PDE3B: variants seen among roughly 807,000 people sequenced by gnomAD.
PDE3B encodes the protein cGMP-inhibited 3',5'-cyclic phosphodiesterase 3B.
Under a neutral mutation model 116.8 loss-of-function variants are expected in PDE3B, and 66 were observed. That is an observed-to-expected ratio of 0.56 (90% CI 0.46 to 0.69). The LOEUF (loss-of-function observed/expected upper bound fraction) is 0.69. Among genes scored for constraint, PDE3B ranks in the 30% least tolerant of loss-of-function variants. PDE3B has a pLI of 0.00. For missense variants in PDE3B, 1,384 were observed against 1,368.1 expected (o/e 1.01, Z -0.18); for synonymous variants, 595 against 533.6 (o/e 1.12, Z -1.59).
At chr11:14,725,745 C>T (rs919765294) in intron 1 of PDE3B, among the ~76,000 whole-genome samples, 4 of 150,824 alleles carry the variant, frequency 2.7e-5, no homozygotes, top group Non-Finnish European at 5.9e-5. Context: ...TGCACTATTT[C>T]TTTACTCTAA....
In PDE3B at chr11:14,663,649, A is replaced by T. The variant is rs1854016299; in HGVS notation, c.978+18596A>T. 1.3e-5 allele frequency among the ~76,000 whole-genome samples: 2 copies of T among 152,206 alleles called. 1 individual carries two copies. Among genetic ancestry groups the T allele is most frequent in the South Asian group, 4.1e-4 (2 of 4,836 alleles). ...TCTCTGATAAAACAGACTTTAAACC[A>T]ACAAAGATCAAAAGAGACAAAGAAG... is the stretch of plus-strand genomic sequence containing the variant. On this transcript the variant is annotated intron_variant, in intron 1 of 15. Coordinates refer to ENST00000282096, the MANE Select transcript of PDE3B (RefSeq NM_000922.4).
chr11:14,830,903 C>A, intron 8 of PDE3B, 57 bp downstream of exon 8: 1 of 1,153,524 alleles, frequency 8.7e-7, no homozygotes. Flanking sequence ...ACTGTTAGTA[C>A]TGGTTTCATT....
At chr11:14,822,578 C>T (rs1859555506) in intron 7 of PDE3B, among the ~76,000 whole-genome samples, 1 of 152,140 alleles carries the variant, frequency 6.6e-6, no homozygotes, top group South Asian at 2.1e-4. Context: ...TCTTTGCAAC[C>T]CTTGAGTCAG....
At chr11:14,743,966 T>C (rs1457012743) in intron 1 of PDE3B, among the ~76,000 whole-genome samples, 1 of 152,234 alleles carries the variant, frequency 6.6e-6, no homozygotes, top group East Asian at 1.9e-4. Context: ...CCTTCTGCAT[T>C]GATCTCTCTG....
chr11:14,764,729 G>A (rs1403955714), intron 1 of PDE3B, among the ~76,000 whole-genome samples: 1 of 152,000 alleles, frequency 6.6e-6, no homozygotes, highest in African/African-American at 2.4e-5. Context: ...AAAAGGGACA[G>A]TGTATATTAA....
intron 2 of PDE3B, among the ~76,000 whole-genome samples, chr11:14,777,999 C>T (rs966519956): frequency 6.6e-6 from 1 of 152,316 alleles, no homozygotes; most frequent in Admixed American, 6.5e-5. Flanking sequence ...TCTTAGCAAA[C>T]GGCACACCAG....
At chr11:14,814,603 T>C (rs775578119) in intron 5 of PDE3B, among the ~76,000 whole-genome samples, 13 of 152,144 alleles carry the variant, frequency 8.5e-5, no homozygotes, top group African/African-American at 1.2e-4. Flanking sequence ...TAAAAATACT[T>C]ACCATATGGG....
chr11:14,896,605 C>T, the PDE3B span, among the ~76,000 whole-genome samples: 2,089 of 152,306 alleles, frequency 0.014, 27 homozygotes, highest in Non-Finnish European at 0.021. Context: ...TGTGATCAGT[C>T]TTGGAGGTCA....
At chr11:14,852,099 C>T (rs562854445) in intron 12 of PDE3B, among the ~76,000 whole-genome samples, 7 of 152,260 alleles carry the variant, frequency 4.6e-5, no homozygotes, top group African/African-American at 1.4e-4. Flanking sequence ...CTGTGTTGCC[C>T]AGGCTGGAGT....
At position 14,722,118 on chromosome 11, in the gene PDE3B, A is replaced by G. The variant is rs547926176; in HGVS notation, c.979-49819A>G. 2.0e-5 allele frequency among the ~76,000 whole-genome samples: 3 copies of G among 148,494 alleles called. No individual in the cohort carries two copies. In the East Asian group the frequency reaches 6.2e-4, roughly 31 times the overall value. On this transcript the variant is annotated intron_variant, in intron 1 of 15. Coordinates refer to ENST00000282096, the MANE Select transcript of PDE3B (RefSeq NM_000922.4). ...GGTGGGAATTAAACAATGAGAACAC[A>G]TGGACACAGGAAGGGGAACATCACA...
At chr11:14,666,506 A>C (rs1436048807) in intron 1 of PDE3B, among the ~76,000 whole-genome samples, 4 of 149,282 alleles carry the variant, frequency 2.7e-5, no homozygotes, top group Non-Finnish European at 4.5e-5. Flanking sequence ...AACCTACAAA[A>C]TGGGAGAAAA....
At chr11:14,717,341 ACT>A (rs1855934816) in intron 1 of PDE3B, among the ~76,000 whole-genome samples, 2 of 121,872 alleles carry the variant, frequency 1.6e-5, no homozygotes, top group Non-Finnish European at 3.4e-5. Flanking sequence ...GTTGGAAAAC[ACT>A]CTGCAGGATA....
chr11:14,811,707 A>G (rs368482679), intron 5 of PDE3B, among the ~76,000 whole-genome samples: 1 of 151,938 alleles, frequency 6.6e-6, no homozygotes, highest in Non-Finnish European at 1.5e-5. Context: ...TGGGGATGGC[A>G]TTGAATCTGT....
chr11:14,848,140 A>G (rs1209681164), intron 12 of PDE3B, among the ~76,000 whole-genome samples: 2 of 140,046 alleles, frequency 1.4e-5, no homozygotes, highest in African/African-American at 5.4e-5. Flanking sequence ...CTTATCCACC[A>G]TGATCAAGTG....
chr11:14,835,927 T>A (rs916961912), intron 11 of PDE3B, among the ~76,000 whole-genome samples: 1 of 152,258 alleles, frequency 6.6e-6, no homozygotes, highest in Non-Finnish European at 1.5e-5. Context: ...GTCATTGCAC[T>A]GACATATATC....
intron 1 of PDE3B, among the ~76,000 whole-genome samples, chr11:14,703,524 G>T (rs1395721067): frequency 6.6e-6 from 1 of 150,746 alleles, no homozygotes; most frequent in Non-Finnish European, 1.5e-5. Flanking sequence ...CTTCTCCTTT[G>T]CTGTGTTTAG....
chr11:14,831,693 A>G lies in PDE3B; in HGVS notation c.2010A>G (p.Leu670=), dbSNP rs2060211975. ...TTTTAGTAGAAGAGTATGACTCATT[A>G]ATAGAAAAGATGAGCAACTGGAATT... ...DLILVEEYDS[L]IEKMSNWNFP... is the part of the protein sequence containing the mutation. Residue 670 remains leucine, a synonymous_variant, in exon 9 of 16, where the codon TTA becomes TTG. Transcript: ENST00000282096. 6.3e-7 allele frequency: 1 copy of G among 1,597,628 alleles called. No homozygotes were observed. The highest frequency in any genetic ancestry group is 1.3e-5 in the African/African-American group (1 of 74,614).
At chr11:14,856,680 C>T (rs930094495) in intron 12 of PDE3B, among the ~76,000 whole-genome samples, 1 of 151,890 alleles carries the variant, frequency 6.6e-6, no homozygotes, top group Non-Finnish European at 1.5e-5. Flanking sequence ...GGTGAAACCC[C>T]GACTCTACTA....
At chr11:14,892,189 CT>C in the PDE3B span, 8 of 1,610,326 alleles carry the variant, frequency 5.0e-6, no homozygotes, top group Non-Finnish European at 6.8e-6. Context: ...CTCTTCAGCT[CT>C]CCAAAGCTTC....
Sources: gnomAD v4.1 joint callset for allele counts (sites outside exome capture counted in the v4.1 genomes callset) on GRCh38, gnomAD v4.1.1 for gene constraint, MANE v1.5 for transcripts, NCBI Gene and HGNC (gene_info 2026-07-23, HGNC 2026-07-21) for gene names.